SGMS1: variants seen among roughly 807,000 people sequenced by gnomAD.
SGMS1 encodes the protein phosphatidylcholine:ceramide cholinephosphotransferase 1.
Under a neutral mutation model 46.2 loss-of-function variants are expected in SGMS1, and 13 were observed. That is an observed-to-expected ratio of 0.28 (90% confidence interval 0.18 to 0.45). The LOEUF is 0.45. SGMS1 is among the 20% of genes least tolerant of loss of function. The pLI is 1.00. For synonymous variants in SGMS1, 203 were observed against 187.8 expected (o/e 1.08, Z -0.66); for missense variants, 324 against 519.9 (o/e 0.62, Z 3.66).
At chr10:50,456,915 T>G (rs1338931259) in intron 5 of SGMS1, among the ~76,000 whole-genome samples, 2 of 152,184 alleles carry the variant, frequency 1.3e-5, no homozygotes, top group African/African-American at 2.4e-5. Flanking sequence ...TGCACAGCGC[T>G]TGTACTGGGA....
At chr10:50,450,861 CATT>C (rs1400702286) in intron 5 of SGMS1, among the ~76,000 whole-genome samples, 3 of 151,608 alleles carry the variant, frequency 2.0e-5, no homozygotes, top group African/African-American at 7.3e-5. Flanking sequence ...TTAAAAATAT[CATT>C]GATATAATAT....
At chr10:50,451,396 A>C (rs1837107566) in intron 5 of SGMS1, among the ~76,000 whole-genome samples, 1 of 152,212 alleles carries the variant, frequency 6.6e-6, no homozygotes, top group African/African-American at 2.4e-5. Context: ...GTACCAGGCA[A>C]CCATTATCCC....
At chr10:50,601,309 T>C (rs1838647855) in intron 1 of SGMS1, among the ~76,000 whole-genome samples, 1 of 152,240 alleles carries the variant, frequency 6.6e-6, no homozygotes, top group South Asian at 2.1e-4. Flanking sequence ...AAGTATGGAT[T>C]TGGCAGGCAA....
intron 2 of SGMS1, among the ~76,000 whole-genome samples, chr10:50,553,970 T>A (rs1838170034): frequency 6.6e-6 from 1 of 152,062 alleles, no homozygotes; most frequent in Non-Finnish European, 1.5e-5. Flanking sequence ...ACACATAGGG[T>A]CTTGGTACAA....
At chr10:50,561,011 A>G (rs918077606) in intron 2 of SGMS1, among the ~76,000 whole-genome samples, 13 of 152,240 alleles carry the variant, frequency 8.5e-5, no homozygotes, top group Non-Finnish European at 2.9e-5. Context: ...GAGACTAAGC[A>G]GAGCCTCATA....
intron 6 of SGMS1, among the ~76,000 whole-genome samples, chr10:50,364,984 C>G (rs1848310650): frequency 6.6e-6 from 1 of 152,094 alleles, no homozygotes; most frequent in Non-Finnish European, 1.5e-5. Flanking sequence ...AGCAACTAGG[C>G]TGAGCATGGT....
intron 5 of SGMS1, among the ~76,000 whole-genome samples, chr10:50,441,051 G>A (rs1849540704): frequency 6.6e-6 from 1 of 152,180 alleles, no homozygotes; most frequent in African/African-American, 2.4e-5. Context: ...ACAGTTGTTC[G>A]GCAAACGACA....
intron 6 of SGMS1, among the ~76,000 whole-genome samples, chr10:50,388,838 T>A (rs1171991896): frequency 6.6e-6 from 1 of 152,196 alleles, no homozygotes; most frequent in Non-Finnish European, 1.5e-5. Context: ...CCATGATCAG[T>A]TCTTAGATAG....
At chr10:50,336,952 A>T (rs1847726105) in intron 7 of SGMS1, among the ~76,000 whole-genome samples, 3 of 152,228 alleles carry the variant, frequency 2.0e-5, no homozygotes, top group African/African-American at 7.2e-5. Flanking sequence ...AAAGGAACAG[A>T]ACAAAACAGA....
chr10:50,375,395 A>G (rs922084396), intron 6 of SGMS1, among the ~76,000 whole-genome samples: 7 of 152,284 alleles, frequency 4.6e-5, no homozygotes, highest in African/African-American at 1.7e-4. Context: ...GAGAGGAGGA[A>G]TTTTTAAGAG....
intron 2 of SGMS1, among the ~76,000 whole-genome samples, chr10:50,532,330 G>A (rs1837962484): frequency 1.3e-5 from 2 of 150,788 alleles, no homozygotes; most frequent in Admixed American, 1.3e-4. Context: ...GCCCTGAGAT[G>A]CTAGGATAAG....
intron 2 of SGMS1, among the ~76,000 whole-genome samples, chr10:50,520,464 T>A (rs545285556): frequency 6.6e-6 from 1 of 152,316 alleles, no homozygotes; most frequent in East Asian, 1.9e-4. Flanking sequence ...AGCTTTCACA[T>A]GCATTTTCTC....
intron 8 of SGMS1, among the ~76,000 whole-genome samples, chr10:50,322,379 T>C (rs1436942306): frequency 5.3e-5 from 8 of 152,248 alleles, no homozygotes. Context: ...ATTTCTTCTC[T>C]TCTATTAGCA....
chr10:50,399,926 G>C (rs565601191), intron 6 of SGMS1, among the ~76,000 whole-genome samples: 137 of 152,024 alleles, frequency 9.0e-4, no homozygotes, highest in African/African-American at 2.8e-3. Context: ...CCACTCGGGA[G>C]GCTGAGGCAG....
At chr10:50,477,403 G>GT (rs759536313) in intron 3 of SGMS1, among the ~76,000 whole-genome samples, 1 of 152,198 alleles carries the variant, frequency 6.6e-6, no homozygotes, top group South Asian at 2.1e-4. Context: ...TAACTAACTT[G>GT]TTTTTTATTT....
chr10:50,463,037 C>T (rs1837284406), intron 4 of SGMS1, among the ~76,000 whole-genome samples: 1 of 151,556 alleles, frequency 6.6e-6, no homozygotes, highest in Non-Finnish European at 1.5e-5. Flanking sequence ...ATGGACTAAA[C>T]ACCTAAAATT....
chr10:50,450,441 G>A (rs549189469), intron 5 of SGMS1, among the ~76,000 whole-genome samples: 14 of 152,240 alleles, frequency 9.2e-5, no homozygotes, highest in East Asian at 1.9e-4. Context: ...AGAATGCTGG[G>A]ACAATAATCA....
chr10:50,581,706 A>C (rs998799363), intron 2 of SGMS1, among the ~76,000 whole-genome samples: 1 of 152,190 alleles, frequency 6.6e-6, no homozygotes. Flanking sequence ...TAAGTAGCTA[A>C]TCCCTTTACT....
intron 2 of SGMS1, among the ~76,000 whole-genome samples, chr10:50,580,932 A>G (rs1049000020): frequency 6.6e-6 from 1 of 152,156 alleles, no homozygotes; most frequent in African/African-American, 2.4e-5. Flanking sequence ...TTTTACTACA[A>G]TATGTTTTAT....
Sources: gnomAD v4.1 joint callset for allele counts (sites outside exome capture counted in the v4.1 genomes callset) on GRCh38, gnomAD v4.1.1 for gene constraint, MANE v1.5 for transcripts, NCBI Gene and HGNC (gene_info 2026-07-23, HGNC 2026-07-21) for gene names.